The following RNF111 variants were observed in gnomAD, a reference collection of about 807,000 sequenced individuals.
RNF111 encodes ring finger protein 111, also known as E3 ubiquitin-protein ligase Arkadia.
Under a neutral mutation model 95.1 loss-of-function variants are expected in RNF111, and 17 were observed. The observed-to-expected ratio is 0.18, with a 90% CI of 0.12 to 0.27. The LOEUF (loss-of-function observed/expected upper bound fraction) is 0.27. Ranked by LOEUF, RNF111 falls within the 10% of genes least tolerant of loss-of-function variation. The probability of loss-of-function intolerance (pLI) is 1.00; values close to 1 mark genes in which losing one functional copy is unlikely to be tolerated. For synonymous variants in RNF111, 440 were observed against 414.8 expected (o/e 1.06, Z -0.74); for missense variants, 1,189 against 1,210.4 (o/e 0.98, Z 0.26).
chr15:59,031,877 TA>T (rs2040927008), intron 2 of RNF111, among the ~76,000 whole-genome samples, 175 bp downstream of exon 2: 1 of 152,200 alleles, frequency 6.6e-6, no homozygotes, highest in Admixed American at 6.5e-5. Context: ...AATGCTAAGA[TA>T]AAAATTTAAA....
chr15:59,013,516 G>A (rs1451764739), intron 1 of RNF111, among the ~76,000 whole-genome samples: 1 of 152,196 alleles, frequency 6.6e-6, no homozygotes, highest in African/African-American at 2.4e-5. Context: ...GAATACCACA[G>A]AAGTAAAGTG....
At chr15:59,000,321 A>T (rs758272648) in intron 1 of RNF111, among the ~76,000 whole-genome samples, 8 of 151,688 alleles carry the variant, frequency 5.3e-5, no homozygotes, top group Non-Finnish European at 1.2e-4. Context: ...GTACCACCAC[A>T]CTTGGCTCAT....
At chr15:59,015,785 T>C (rs1429433475) in intron 1 of RNF111, among the ~76,000 whole-genome samples, 1 of 152,212 alleles carries the variant, frequency 6.6e-6, no homozygotes, top group Non-Finnish European at 1.5e-5. Context: ...GAAGCCATTA[T>C]CAGAGTCCTT....
At chr15:59,054,485 C>G (rs535771686) in intron 3 of RNF111, among the ~76,000 whole-genome samples, 1 of 152,190 alleles carries the variant, frequency 6.6e-6, no homozygotes, top group Non-Finnish European at 1.5e-5. Flanking sequence ...ATCATAGACT[C>G]TTGATTTTTC....
At chr15:59,019,733 T>C (rs2040240160) in intron 1 of RNF111, among the ~76,000 whole-genome samples, 1 of 152,090 alleles carries the variant, frequency 6.6e-6, no homozygotes, top group African/African-American at 2.4e-5. Context: ...CTGAGGTGGG[T>C]GGATCACCTG....
At chr15:59,074,395 C>G (rs2043074701) in intron 6 of RNF111, among the ~76,000 whole-genome samples, 1 of 152,210 alleles carries the variant, frequency 6.6e-6, no homozygotes, top group African/African-American at 2.4e-5. Flanking sequence ...GTAGCACTTT[C>G]CATAAATGAT....
In RNF111 at chr15:59,067,055, G is replaced by T. The variant is rs372471105; in HGVS notation, c.1658G>T (p.Ser553Ile). The T allele has an allele frequency of 6.2e-7, 1 of 1,613,890 alleles. No homozygotes were observed. Among genetic ancestry groups the T allele is most frequent in the African/African-American group, 1.3e-5 (1 of 74,866 alleles). Reference protein sequence around the residue: ...PQVQAPCGANSSSGTSYHEQQ... With the variant: ...PQVQAPCGANISSGTSYHEQQ... Reference sequence around the variant, plus strand: ...GTACAAGCACCTTGTGGAGCAAATAGTAGTTCTGGTACCAGCTATCATGAA... The same window carrying T: ...GTACAAGCACCTTGTGGAGCAAATATTAGTTCTGGTACCAGCTATCATGAA... The change falls in exon 6 of 14, where the codon AGT becomes ATT. Residue 553 changes from serine (S) to isoleucine (I), a missense_variant. Ser to Ile is a moderately radical substitution (Grantham distance 142). This residue lies in a region of RNF111 where 1,024 missense variants were observed against 925.9 expected (regional missense o/e 1.11). Coordinates refer to ENST00000348370, the MANE Select transcript of RNF111 (RefSeq NM_017610.8).
intron 10 of RNF111, among the ~76,000 whole-genome samples, chr15:59,088,380 G>C (rs1476219696): frequency 1.3e-5 from 2 of 152,180 alleles, no homozygotes; most frequent in Non-Finnish European, 2.9e-5. Context: ...AAGATGTTTA[G>C]GAGGTTGGGT....
chr15:59,081,023 C>G lies in RNF111; in HGVS notation c.2036C>G (p.Pro679Arg). 6.2e-7 allele frequency: 1 copy of G among 1,614,124 alleles called. No individual in the cohort carries two copies. The highest frequency in any genetic ancestry group is 8.5e-7 in the Non-Finnish European group (1 of 1,180,028). Residue 679 changes from proline (P) to arginine (R), a missense_variant, in exon 8 of 14, where the codon CCT becomes CGT. By Grantham distance (103) the Pro-to-Arg change is moderately radical. Transcript: ENST00000348370. Reference sequence around the variant, plus strand: ...CCCCCTCCTCAGACTCAGCCTCCGCCTCAAGTGGATTATGTTATTCCTCAT... The same window carrying G: ...CCCCCTCCTCAGACTCAGCCTCCGCGTCAAGTGGATTATGTTATTCCTCAT... Reference protein sequence around the residue: ...GNPPPQTQPPPQVDYVIPHPV... With the variant: ...GNPPPQTQPPRQVDYVIPHPV...
At chr15:59,031,754 G>C in intron 2 of RNF111, 52 bp downstream of exon 2, 1 of 1,511,384 alleles carries the variant, frequency 6.6e-7, no homozygotes, top group Non-Finnish European at 9.0e-7. Context: ...TTGCATTTGT[G>C]CTTAATTTTT....
intron 1 of RNF111, among the ~76,000 whole-genome samples, chr15:59,023,115 G>C (rs7168102): frequency 0.33 from 50,298 of 152,014 alleles, 8,434 homozygotes; most frequent in Middle Eastern, 0.47. Context: ...GGGCATGGTG[G>C]TGCGTGTCTG....
intron 6 of RNF111, among the ~76,000 whole-genome samples, chr15:59,073,401 A>G (rs1392397535): frequency 6.6e-6 from 1 of 152,082 alleles, no homozygotes; most frequent in Non-Finnish European, 1.5e-5. Context: ...TAATTGCCTG[A>G]ACCTGGGAGG....
chr15:59,040,035 G>A (rs144562709), intron 2 of RNF111, among the ~76,000 whole-genome samples: 203 of 152,172 alleles, frequency 1.3e-3, no homozygotes, highest in Non-Finnish European at 2.2e-3. Flanking sequence ...TTATTGGGAG[G>A]TGATAGAGAC....
intron 5 of RNF111, among the ~76,000 whole-genome samples, chr15:59,064,296 G>T (rs2042560967): frequency 1.3e-5 from 2 of 152,076 alleles, no homozygotes; most frequent in African/African-American, 4.8e-5. Context: ...AGCACTTTGG[G>T]AGGTCGAGGT....
intron 1 of RNF111, among the ~76,000 whole-genome samples, chr15:59,011,628 A>G (rs900015986): frequency 6.6e-6 from 1 of 152,170 alleles, no homozygotes; most frequent in Non-Finnish European, 1.5e-5. Flanking sequence ...GTGTTCTCAC[A>G]TAATCTTTTT....
At chr15:59,006,189 AAACC>A (rs1466862813) in intron 1 of RNF111, among the ~76,000 whole-genome samples, 11 of 152,362 alleles carry the variant, frequency 7.2e-5, no homozygotes, top group African/African-American at 2.4e-4. Context: ...CTTATTTTAA[AAACC>A]AACCAAGTTG....
intron 1 of RNF111, among the ~76,000 whole-genome samples, chr15:59,017,490 C>A (rs1398270650): frequency 1.3e-5 from 2 of 152,140 alleles, no homozygotes; most frequent in African/African-American, 4.8e-5. Flanking sequence ...GCCATCTTTT[C>A]TGTATATTTA....
intron 7 of RNF111, among the ~76,000 whole-genome samples, chr15:59,077,653 G>C (rs1217269750): frequency 6.6e-6 from 1 of 152,092 alleles, no homozygotes; most frequent in African/African-American, 2.4e-5. Flanking sequence ...TATTAAATCA[G>C]TCTTCTGTTG....
intron 6 of RNF111, among the ~76,000 whole-genome samples, chr15:59,072,897 A>AC (rs1281324488): frequency 6.6e-6 from 1 of 151,680 alleles, no homozygotes; most frequent in African/African-American, 2.4e-5. Context: ...AAAAAAACAA[A>AC]ACACTTCCAG....
Sources: allele counts gnomAD v4.1 joint callset (sites outside exome capture counted in the v4.1 genomes callset), GRCh38; gene constraint gnomAD v4.1.1; regional missense constraint gnomAD v4.1.1; transcripts MANE v1.5; gene names NCBI Gene and HGNC (gene_info 2026-07-23, HGNC 2026-07-21).